ZZZ3: variants seen among roughly 807,000 people sequenced by gnomAD.
ZZZ3 encodes ZZ-type zinc finger-containing protein 3.
ZZZ3 carries 22 observed loss-of-function variants against 95.2 expected under a neutral mutation model. The observed-to-expected ratio is 0.23, with a 90% CI of 0.17 to 0.33. The LOEUF is 0.33. Ranked by LOEUF, ZZZ3 falls within the 10% of genes least tolerant of loss-of-function variation. The pLI is 1.00. For synonymous variants in ZZZ3, 335 were observed against 358.9 expected, an observed-to-expected ratio of 0.93 and a Z score of 0.75; for missense variants, 885 against 1,066.5, an observed-to-expected ratio of 0.83 and a Z score of 2.37.
chr1:77,570,821 C>G (rs933885596), intron 12 of ZZZ3, among the ~76,000 whole-genome samples: 3 of 149,468 alleles, frequency 2.0e-5, no homozygotes, highest in African/African-American at 7.4e-5. Context: ...ACCACCAAGC[C>G]TGGCTAATTT....
chr1:77,622,308 A>G (rs1174464774), intron 5 of ZZZ3, among the ~76,000 whole-genome samples: 1 of 151,856 alleles, frequency 6.6e-6, no homozygotes, highest in Non-Finnish European at 1.5e-5. Flanking sequence ...ACCTGTCTCA[A>G]AAGAAACAAA....
rs982445021 is a variant in ZZZ3, at chr1:77,621,758, G to A, written c.1505+10092C>T. 7.9e-5 allele frequency among the ~76,000 whole-genome samples: 12 copies of A among 151,828 alleles called. No homozygotes were observed. In the East Asian group the frequency reaches 1.6e-3, roughly 20 times the overall value. On this transcript the variant is annotated intron_variant, in intron 5 of 14. Coordinates refer to ENST00000370801, the MANE Select transcript of ZZZ3 (RefSeq NM_015534.6). ...CCTGTGCCCAGGAAATCGAGGCTGCGGTAAGGCATGATCACACCACTGTAC... is the reference window on the plus strand; with the variant it reads ...CCTGTGCCCAGGAAATCGAGGCTGCAGTAAGGCATGATCACACCACTGTAC...
intron 1 of ZZZ3, among the ~76,000 whole-genome samples, chr1:77,670,230 C>T (rs1386491750): frequency 6.6e-6 from 1 of 151,380 alleles, no homozygotes; most frequent in Non-Finnish European, 1.5e-5. Flanking sequence ...TTTAATAAAC[C>T]AGTACTGTCC....
At chr1:77,591,404 A>G (rs1248818441) in intron 5 of ZZZ3, among the ~76,000 whole-genome samples, 1 of 152,082 alleles carries the variant, frequency 6.6e-6, no homozygotes, top group Non-Finnish European at 1.5e-5. Context: ...GCTGGAGTAC[A>G]CAATCATAGG....
intron 11 of ZZZ3, among the ~76,000 whole-genome samples, chr1:77,578,089 G>C (rs989718730): frequency 6.6e-6 from 1 of 152,004 alleles, no homozygotes; most frequent in African/African-American, 2.4e-5. Context: ...ACATACCTGA[G>C]GGCCCAGTTT....
At chr1:77,611,072 A>G (rs1312459182) in intron 5 of ZZZ3, among the ~76,000 whole-genome samples, 1 of 151,854 alleles carries the variant, frequency 6.6e-6, no homozygotes, top group Non-Finnish European at 1.5e-5. Flanking sequence ...AGAAAACCCT[A>G]AAGACTCTAC....
At chr1:77,640,687 A>G (rs1372912930) in intron 3 of ZZZ3, among the ~76,000 whole-genome samples, 1 of 152,142 alleles carries the variant, frequency 6.6e-6, no homozygotes, top group African/African-American at 2.4e-5. Context: ...AGGACTAAGA[A>G]AACGACCAGC....
rs1444965066 is a variant in ZZZ3, at chr1:77,568,379, G to T, written c.2419C>A (p.Gln807Lys). 1 of 1,596,434 alleles carries T rather than the reference G, an allele frequency of 6.3e-7. No individual in the cohort carries two copies. The highest frequency in any genetic ancestry group is 1.7e-5 in the Admixed American group (1 of 57,236). Residue 807 changes from glutamine (Q) to lysine (K), a missense_variant, in exon 13 of 15, where the codon CAG becomes AAG. Physicochemically the swap from Gln to Lys is moderately conservative, Grantham distance 53. Transcript: ENST00000370801. ...QFKKLKKQKLQQMQAESGFVQ... is the reference protein window; with the variant it reads ...QFKKLKKQKLKQMQAESGFVQ... ...AATCCACTTTCAGCTTGCATTTGCT[G>T]AAGTTTCTGCTTCTTTAACTTTTTA... is the stretch of plus-strand genomic sequence containing the variant.
chr1:77,588,948 T>C (rs982493087), intron 5 of ZZZ3, among the ~76,000 whole-genome samples: 2 of 152,194 alleles, frequency 1.3e-5, no homozygotes, highest in African/African-American at 2.4e-5. Flanking sequence ...CGTCAGATCA[T>C]GGCTCAATGC....
chr1:77,587,066 T>C (rs1201461168), intron 5 of ZZZ3, among the ~76,000 whole-genome samples: 2 of 152,114 alleles, frequency 1.3e-5, no homozygotes, highest in Non-Finnish European at 2.9e-5. Context: ...AAACCAGGCA[T>C]GGAGTCTAAG....
At chr1:77,670,385 C>T (rs749251946) in intron 1 of ZZZ3, among the ~76,000 whole-genome samples, 9 of 152,044 alleles carry the variant, frequency 5.9e-5, no homozygotes, top group South Asian at 4.2e-4. Flanking sequence ...TCAGCCTCAC[C>T]GAGTAGCTGG....
intron 1 of ZZZ3, among the ~76,000 whole-genome samples, chr1:77,643,181 A>G (rs1453011929): frequency 6.6e-6 from 1 of 152,178 alleles, no homozygotes; most frequent in Non-Finnish European, 1.5e-5. Context: ...GAAAAAAAAA[A>G]AGAAAAAACC....
intron 1 of ZZZ3, among the ~76,000 whole-genome samples, chr1:77,668,246 C>T (rs1337895345): frequency 6.6e-6 from 1 of 152,046 alleles, no homozygotes. Context: ...TGGTCATTAC[C>T]AGTTTCTTTT....
At chr1:77,584,388 A>G (rs2100573316) in intron 6 of ZZZ3, 129 bp downstream of exon 6, 1 of 835,464 alleles carries the variant, frequency 1.2e-6, no homozygotes, top group East Asian at 2.9e-5. Context: ...CTTAAGTAGT[A>G]CGGCTAATTA....
chr1:77,675,941 C>G (rs1002811332), intron 1 of ZZZ3, among the ~76,000 whole-genome samples: 2 of 152,136 alleles, frequency 1.3e-5, no homozygotes, highest in African/African-American at 4.8e-5. Flanking sequence ...TATCATATTG[C>G]TATCTCAACA....
intron 1 of ZZZ3, among the ~76,000 whole-genome samples, chr1:77,667,782 T>C (rs895704770): frequency 6.7e-6 from 1 of 150,102 alleles, no homozygotes; most frequent in African/African-American, 2.5e-5. Flanking sequence ...TTTTTTTTTT[T>C]TGAGAGAGAG....
At chr1:77,670,706 A>C (rs965391359) in intron 1 of ZZZ3, among the ~76,000 whole-genome samples, 1 of 152,040 alleles carries the variant, frequency 6.6e-6, no homozygotes, top group Non-Finnish European at 1.5e-5. Flanking sequence ...AGTTATCAGA[A>C]TCAAACTGGA....
intron 1 of ZZZ3, among the ~76,000 whole-genome samples, chr1:77,652,435 C>T (rs1403730730): frequency 6.6e-6 from 1 of 152,110 alleles, no homozygotes; most frequent in Non-Finnish European, 1.5e-5. Flanking sequence ...ATAAAAAAGA[C>T]AACAAAAACA....
intron 5 of ZZZ3, among the ~76,000 whole-genome samples, chr1:77,591,481 A>G (rs1441391701): frequency 6.6e-6 from 1 of 152,168 alleles, no homozygotes; most frequent in Non-Finnish European, 1.5e-5. Flanking sequence ...AGCTGGGACT[A>G]CAGGCGCATA....
Sources: gnomAD v4.1 joint callset for allele counts (sites outside exome capture counted in the v4.1 genomes callset) on GRCh38, gnomAD v4.1.1 for gene constraint, MANE v1.5 for transcripts, NCBI Gene and HGNC (gene_info 2026-07-23, HGNC 2026-07-21) for gene names.